PTPRD: variants seen among roughly 807,000 people sequenced by gnomAD.
PTPRD encodes receptor-type tyrosine-protein phosphatase delta.
PTPRD carries 34 observed loss-of-function variants against 214.5 expected under a neutral mutation model. The observed-to-expected ratio is 0.16, with a 90% CI of 0.12 to 0.21. The LOEUF (loss-of-function observed/expected upper bound fraction) is 0.21. Ranked by LOEUF, PTPRD falls within the 10% of genes least tolerant of loss-of-function variation. The pLI is 1.00. For missense variants in PTPRD, 2,545 were observed against 2,398.7 expected (o/e 1.06, Z -1.27); for synonymous variants, 1,128 against 845.7 (o/e 1.33, Z -5.79).
chr9:9,272,009 G>T (rs1269079609), intron 9 of PTPRD, among the ~76,000 whole-genome samples: 1 of 151,146 alleles, frequency 6.6e-6, no homozygotes, highest in Non-Finnish European at 1.5e-5. Flanking sequence ...ACAGAAGCAG[G>T]TTAGCATAGA....
chr9:10,187,181 T>G (rs1472025562), intron 3 of PTPRD, among the ~76,000 whole-genome samples: 1 of 152,170 alleles, frequency 6.6e-6, no homozygotes, highest in South Asian at 2.1e-4. Flanking sequence ...GTTAAAATGC[T>G]GTGTTTTTTT....
chr9:9,212,715 G>A (rs915805031), intron 9 of PTPRD, among the ~76,000 whole-genome samples: 3 of 152,096 alleles, frequency 2.0e-5, no homozygotes, highest in African/African-American at 7.2e-5. Context: ...TATCATTTAA[G>A]GAACTAATAC....
intron 8 of PTPRD, among the ~76,000 whole-genome samples, chr9:9,445,600 G>C (rs183340550): frequency 1.3e-5 from 2 of 152,130 alleles, no homozygotes; most frequent in African/African-American, 4.8e-5. Flanking sequence ...GCAGGAAGGA[G>C]AAGTGCCAAG....
intron 5 of PTPRD, among the ~76,000 whole-genome samples, chr9:9,808,587 T>C (rs1012604095): frequency 6.6e-6 from 1 of 152,178 alleles, no homozygotes; most frequent in African/African-American, 2.4e-5. Context: ...TTGTTTACAG[T>C]GCAGTTTTGC....
At chr9:10,337,352 C>G (rs1173030563) in intron 3 of PTPRD, among the ~76,000 whole-genome samples, 2 of 151,660 alleles carry the variant, frequency 1.3e-5, no homozygotes, top group East Asian at 3.9e-4. Flanking sequence ...ACGTAGCACA[C>G]TTTGCTCTTC....
At chr9:9,101,101 CAGAGAG>C (rs71317400) in intron 10 of PTPRD, among the ~76,000 whole-genome samples, 2 of 150,360 alleles carry the variant, frequency 1.3e-5, no homozygotes, top group Admixed American at 1.3e-4. Context: ...CAATGTAAAA[CAGAGAG>C]AGAGAGAGAG....
intron 7 of PTPRD, among the ~76,000 whole-genome samples, chr9:9,653,727 G>C (rs1234044559): frequency 6.6e-6 from 1 of 152,064 alleles, no homozygotes; most frequent in East Asian, 1.9e-4. Flanking sequence ...TTAGTGTTTT[G>C]GATATTGCCA....
intron 10 of PTPRD, among the ~76,000 whole-genome samples, chr9:9,090,521 C>T (rs937417681): frequency 6.6e-6 from 1 of 152,110 alleles, no homozygotes; most frequent in Non-Finnish European, 1.5e-5. Flanking sequence ...TATAATCATT[C>T]TAGTATTTCC....
chr9:9,934,329 C>T (rs971392535), intron 5 of PTPRD, among the ~76,000 whole-genome samples: 1 of 150,510 alleles, frequency 6.6e-6, no homozygotes, highest in Non-Finnish European at 1.5e-5. Context: ...AGACTGCTAG[C>T]AAGACTAATA....
intron 33 of PTPRD, among the ~76,000 whole-genome samples, chr9:8,458,677 C>T (rs2096284749): frequency 1.3e-5 from 2 of 152,096 alleles, no homozygotes; most frequent in African/African-American, 4.8e-5. Context: ...TATGATTACT[C>T]ACGGGGCAGG....
chr9:8,425,545 T>A (rs1461837936), intron 35 of PTPRD, among the ~76,000 whole-genome samples: 1 of 152,192 alleles, frequency 6.6e-6, no homozygotes. Flanking sequence ...TCCCTCAGCC[T>A]GGGGGCTTGC....
intron 10 of PTPRD, among the ~76,000 whole-genome samples, chr9:9,112,871 C>A (rs980236361): frequency 2.0e-5 from 3 of 151,780 alleles, no homozygotes; most frequent in Non-Finnish European, 4.4e-5. Context: ...GCAGGTGTTT[C>A]GATTACAAAC....
At chr9:9,548,257 A>G (rs669190) in intron 8 of PTPRD, among the ~76,000 whole-genome samples, 15,939 of 151,950 alleles carry the variant, frequency 0.1, 998 homozygotes, top group East Asian at 0.15. Flanking sequence ...AATAGCAAGA[A>G]TACAGACCTA....
chr9:8,372,159 A>C (rs2081750765), intron 39 of PTPRD, among the ~76,000 whole-genome samples: 1 of 152,044 alleles, frequency 6.6e-6, no homozygotes, highest in Non-Finnish European at 1.5e-5. Flanking sequence ...CATAGTAGAA[A>C]ATATGTACAT....
At chr9:10,516,344 T>C (rs530850889) in intron 2 of PTPRD, among the ~76,000 whole-genome samples, 85 of 152,062 alleles carry the variant, frequency 5.6e-4, no homozygotes, top group African/African-American at 1.9e-3. Context: ...CACATTCTTA[T>C]ATATCTGTTA....
intron 8 of PTPRD, among the ~76,000 whole-genome samples, chr9:9,493,297 C>G (rs766075155): frequency 9.2e-5 from 14 of 151,998 alleles, no homozygotes; most frequent in African/African-American, 3.4e-4. Flanking sequence ...TTTTAAAGCC[C>G]ATTGTGGAGA....
chr9:10,037,658 C>A (rs1321030364), intron 3 of PTPRD, among the ~76,000 whole-genome samples: 5 of 149,784 alleles, frequency 3.3e-5, no homozygotes, highest in Admixed American at 2.7e-4. Context: ...TTAACCAAGA[C>A]AAGTTCTCCA....
At chr9:9,223,551 G>A (rs1212589763) in intron 9 of PTPRD, among the ~76,000 whole-genome samples, 1 of 151,928 alleles carries the variant, frequency 6.6e-6, no homozygotes, top group African/African-American at 2.4e-5. Context: ...TGATGAAACA[G>A]CCTATGCCTA....
At chr9:10,363,032 T>C (rs2097426419) in intron 2 of PTPRD, among the ~76,000 whole-genome samples, 1 of 152,220 alleles carries the variant, frequency 6.6e-6, no homozygotes, top group Admixed American at 6.5e-5. Flanking sequence ...TATCAGAAAT[T>C]CAGTGAAGTA....
Sources: gnomAD v4.1 joint callset for allele counts (sites outside exome capture counted in the v4.1 genomes callset) on GRCh38, gnomAD v4.1.1 for gene constraint, MANE v1.5 for transcripts, NCBI Gene and HGNC (gene_info 2026-07-23, HGNC 2026-07-21) for gene names.